Variants in PPP2R2D observed in about 807,000 individuals in gnomAD.
PPP2R2D encodes protein phosphatase 2 regulatory subunit Bdelta.
PPP2R2D carries 9 observed loss-of-function variants against 31.1 expected under a neutral mutation model. That is an observed-to-expected ratio of 0.29 (90% CI 0.17 to 0.51). The LOEUF (loss-of-function observed/expected upper bound fraction) is 0.51, where lower values mean the gene tolerates loss of function less well. Ranked by LOEUF, PPP2R2D falls within the 20% of genes least tolerant of loss-of-function variation. The probability of loss-of-function intolerance (pLI) is 0.98; values close to 1 mark genes in which losing one functional copy is unlikely to be tolerated. For synonymous variants in PPP2R2D, 179 were observed against 172.6 expected (o/e 1.04, Z -0.29); for missense variants, 391 against 465.6 (o/e 0.84, Z 1.48).
intron 2 of PPP2R2D, among the ~76,000 whole-genome samples, chr10:131,913,748 C>T (rs2035723120): frequency 6.6e-6 from 1 of 152,126 alleles, no homozygotes; most frequent in Non-Finnish European, 1.5e-5. Context: ...CTCATGGGAA[C>T]GCCATGGCAG....
intron 7 of PPP2R2D, among the ~76,000 whole-genome samples, chr10:131,946,819 C>A (rs2036550816): frequency 6.6e-6 from 1 of 152,126 alleles, no homozygotes; most frequent in African/African-American, 2.4e-5. Context: ...ACCTGTGGTC[C>A]CAGCTACCCT....
chr10:131,932,667 A>AAAAAAAAAAAAAAAAC (rs1564817986), intron 2 of PPP2R2D, among the ~76,000 whole-genome samples: 15 of 133,168 alleles, frequency 1.1e-4, no homozygotes, highest in South Asian at 4.4e-4. Flanking sequence ...AAAAAAAAAA[A>AAAAAAAAAAAAAAAAC]ACACACAAAA....
intron 2 of PPP2R2D, among the ~76,000 whole-genome samples, chr10:131,922,681 C>T (rs942889602): frequency 5.9e-5 from 9 of 151,910 alleles, no homozygotes; most frequent in African/African-American, 2.2e-4. Context: ...CTCCTGACCT[C>T]GTGATCCGCC....
At chr10:131,953,054 TAGC>T (rs1355024514) in intron 8 of PPP2R2D, among the ~76,000 whole-genome samples, 4 of 138,262 alleles carry the variant, frequency 2.9e-5, no homozygotes, top group South Asian at 2.4e-4. Context: ...TTCACTGTCT[TAGC>T]AGTGACTTGC....
intron 8 of PPP2R2D, among the ~76,000 whole-genome samples, chr10:131,949,195 G>A (rs1191326405): frequency 6.6e-6 from 1 of 152,202 alleles, no homozygotes; most frequent in African/African-American, 2.4e-5. Flanking sequence ...GGCAGCATGA[G>A]CCTCTCGTTG....
downstream of PPP2R2D, among the ~76,000 whole-genome samples, chr10:131,961,873 CCCCATCTGCT>C (rs1554901522): frequency 2.0e-5 from 3 of 151,984 alleles, no homozygotes; most frequent in African/African-American, 7.2e-5. Context: ...CAGTCTCCCA[CCCCATCTGCT>C]CCCATCTGTC....
At chr10:131,954,512 A>AGGGC (rs1203212587) in intron 8 of PPP2R2D, among the ~76,000 whole-genome samples, 1 of 152,106 alleles carries the variant, frequency 6.6e-6, no homozygotes, top group African/African-American at 2.4e-5. Flanking sequence ...GCATTGCTGG[A>AGGGC]GGGCGCTGGG....
intron 3 of PPP2R2D, chr10:131,935,065 G>T (rs1310424004): frequency 1.8e-5 from 8 of 433,220 alleles, no homozygotes; most frequent in Non-Finnish European, 3.8e-5. Flanking sequence ...GGAGGGAAGG[G>T]AACCTTCAGA....
downstream of PPP2R2D, among the ~76,000 whole-genome samples, chr10:131,963,530 G>T (rs887482586): frequency 1.3e-5 from 2 of 152,216 alleles, no homozygotes; most frequent in Non-Finnish European, 2.9e-5. Flanking sequence ...TGGGGCGCCT[G>T]GCTGTCCTCA....
At chr10:131,948,366 T>G (rs1554898351) in intron 8 of PPP2R2D, among the ~76,000 whole-genome samples, 1 of 152,200 alleles carries the variant, frequency 6.6e-6, no homozygotes, top group African/African-American at 2.4e-5. Flanking sequence ...TGCAAAAAGT[T>G]ACGTTTCAGA....
At chr10:131,949,733 T>C (rs1554898570) in intron 8 of PPP2R2D, among the ~76,000 whole-genome samples, 2 of 151,840 alleles carry the variant, frequency 1.3e-5, no homozygotes, top group African/African-American at 4.8e-5. Context: ...AAATGACAAG[T>C]ATGATACATG....
intron 3 of PPP2R2D, among the ~76,000 whole-genome samples, chr10:131,937,855 G>A (rs1412874875): frequency 2.0e-5 from 3 of 152,202 alleles, no homozygotes; most frequent in Non-Finnish European, 4.4e-5. Context: ...TTTGTAGAGT[G>A]GTAGGAGAGG....
chr10:131,948,232 GGCT>G (rs2036577005), intron 8 of PPP2R2D, among the ~76,000 whole-genome samples: 1 of 152,190 alleles, frequency 6.6e-6, no homozygotes, highest in African/African-American at 2.4e-5. Context: ...GCGTGGTCAT[GGCT>G]GGTCTGAAAC....
At chr10:131,954,401 T>C (rs1554899588) in intron 8 of PPP2R2D, among the ~76,000 whole-genome samples, 3 of 152,240 alleles carry the variant, frequency 2.0e-5, no homozygotes, top group Admixed American at 6.5e-5. Context: ...TTCGTAAACA[T>C]TGTGTTTTAT....
At chr10:131,953,446 T>C (rs1471968976) in intron 8 of PPP2R2D, among the ~76,000 whole-genome samples, 2 of 108,832 alleles carry the variant, frequency 1.8e-5, no homozygotes, top group African/African-American at 7.3e-5. Flanking sequence ...TAGCAGTGAC[T>C]TGCAGGTGTG....
At chr10:131,940,520 A>G in intron 4 of PPP2R2D, 62 bp from the exon 5 acceptor site, 1 of 700,464 alleles carries the variant, frequency 1.4e-6, no homozygotes, top group Non-Finnish European at 2.6e-6. Flanking sequence ...CCAGTACTCA[A>G]ACAGTAGTGA....
downstream of PPP2R2D, among the ~76,000 whole-genome samples, chr10:131,964,194 G>A (rs1270207782): frequency 1.3e-5 from 2 of 152,304 alleles, no homozygotes; most frequent in African/African-American, 4.8e-5. Context: ...TCTCTTCACT[G>A]TAGAGTTACT....
chr10:131,919,700 G>A (rs2035925917), intron 2 of PPP2R2D, among the ~76,000 whole-genome samples: 1 of 122,490 alleles, frequency 8.2e-6, no homozygotes, highest in Non-Finnish European at 1.7e-5. Context: ...GTGTTTATAG[G>A]GACCTCAGGC....
Position 131,947,802 on chromosome 10 carries a change from C to A in PPP2R2D, c.1082+11C>A. The A allele has an allele frequency of 6.2e-7, 1 of 1,606,728 alleles. No homozygotes were observed. Among genetic ancestry groups the A allele is most frequent in the Non-Finnish European group, 8.5e-7 (1 of 1,174,070 alleles). ...GAACGGTTCGGATAGGTAAGGCCTG[C>A]GTGGAGATGAGCTGTCGCCCCAAGC... On this transcript the variant is annotated intron_variant, in intron 8 of 8. Transcript: ENST00000455566. The surrounding 1 kb of genome is among the most constrained non-coding windows in gnomAD (Gnocchi z 4.3).
Sources: allele counts gnomAD v4.1 joint callset (sites outside exome capture counted in the v4.1 genomes callset), GRCh38; gene constraint gnomAD v4.1.1; non-coding constraint Gnocchi (gnomAD v3.1); transcripts MANE v1.5; gene names NCBI Gene and HGNC (gene_info 2026-07-23, HGNC 2026-07-21).